The following ZNF654 variants were observed in gnomAD, a reference collection of about 807,000 sequenced individuals.
ZNF654 encodes the protein melanoma-associated antigen.
A neutral mutation model predicts 95.3 loss-of-function variants in ZNF654; 19 were observed. That is an observed-to-expected ratio of 0.20 (90% confidence interval 0.14 to 0.29). The LOEUF is 0.29. Among genes scored for constraint, ZNF654 ranks in the 10% least tolerant of loss-of-function variants. ZNF654 has a pLI of 1.00. For synonymous variants in ZNF654, 413 were observed against 457.9 expected (o/e 0.90, Z 1.25); for missense variants, 1,046 against 1,341.0 (o/e 0.78, Z 3.44).
rs1292743216 is a variant in ZNF654, at chr3:88,068,550, T to C, written c.186+9045T>C. The stretch of plus-strand genomic sequence containing the variant: ...CCAGTATGTTTTGGTTACTCTAAAG[T>C]TGAAATATTATAAATACTCTTCCCA... On this transcript the variant is annotated intron_variant, in intron 1 of 8. Transcript: ENST00000636215. 2.6e-5 allele frequency among the ~76,000 whole-genome samples: 4 copies of C among 152,342 alleles called. No individual in the cohort carries two copies. The South Asian group carries it at 6.2e-4, about 24-fold the overall frequency.
chr3:88,127,260 C>T (rs1181130098), intron 4 of ZNF654, among the ~76,000 whole-genome samples: 1 of 152,096 alleles, frequency 6.6e-6, no homozygotes, highest in Admixed American at 6.6e-5. Context: ...CAGGTTATTT[C>T]TGTTAGTCAC....
At chr3:88,114,195 T>C (rs1351985848) in intron 3 of ZNF654, among the ~76,000 whole-genome samples, 1 of 151,982 alleles carries the variant, frequency 6.6e-6, no homozygotes, top group Non-Finnish European at 1.5e-5. Context: ...AAATGAAAAA[T>C]TGACAGATTC....
chr3:88,121,607 T>C (rs1263427865), intron 3 of ZNF654, among the ~76,000 whole-genome samples: 2 of 152,198 alleles, frequency 1.3e-5, no homozygotes, highest in Non-Finnish European at 2.9e-5. Context: ...ATTGCCTTTT[T>C]GTAAAGGAAA....
chr3:88,116,137 ATTC>A (rs1448335327), intron 3 of ZNF654, among the ~76,000 whole-genome samples: 1 of 152,082 alleles, frequency 6.6e-6, no homozygotes, highest in East Asian at 1.9e-4. Flanking sequence ...GGTCAATCTC[ATTC>A]TTGTTGCTGC....
chr3:88,130,617 A>ATT (rs10674029), intron 6 of ZNF654, among the ~76,000 whole-genome samples: 2,162 of 129,170 alleles, frequency 0.017, 70 homozygotes, highest in African/African-American at 0.054. Context: ...TGCCCAGCTA[A>ATT]TTTTTTTTTT....
intron 2 of ZNF654, among the ~76,000 whole-genome samples, chr3:88,100,241 A>G (rs1229994612): frequency 2.0e-5 from 3 of 152,246 alleles, no homozygotes; most frequent in Non-Finnish European, 4.4e-5. Context: ...ATCACTGGCT[A>G]TCAGAGAAAT....
chr3:88,141,680 T>C lies in ZNF654; in HGVS notation c.*28T>C. On this transcript the variant is annotated 3_prime_UTR_variant, in exon 9 of 9. Transcript: ENST00000636215. ...AAAACGGTTCAGAAAGATCTGTCAA[T>C]CAAGCAGTAGTGTGAAAAAAGCACT... The C allele has an allele frequency of 6.7e-7, 1 of 1,494,296 alleles. No individual in the cohort carries two copies. The highest frequency in any genetic ancestry group is 1.4e-5 in the African/African-American group (1 of 72,886). The allele number at this position is 1,494,296 out of a possible 1,614,324, so 92.6% of individuals were successfully genotyped here. A position where few individuals can be genotyped will look rare whatever the true frequency, so the allele number is the denominator to read the frequency against.
chr3:88,080,425 A>G (rs551131010), intron 1 of ZNF654, among the ~76,000 whole-genome samples: 1 of 152,272 alleles, frequency 6.6e-6, no homozygotes, highest in East Asian at 1.9e-4. Context: ...TGTTTGTTAC[A>G]TGCCAGGAAT....
intron 2 of ZNF654, among the ~76,000 whole-genome samples, chr3:88,098,122 G>C (rs916434648): frequency 8.6e-5 from 13 of 151,974 alleles, no homozygotes; most frequent in Non-Finnish European, 1.3e-4. Flanking sequence ...GAATCAAATA[G>C]ATGCAATAAA....
At chr3:88,125,292 A>G (rs955194281) in intron 3 of ZNF654, among the ~76,000 whole-genome samples, 3 of 152,110 alleles carry the variant, frequency 2.0e-5, no homozygotes, top group Admixed American at 6.5e-5. Flanking sequence ...TAATCAAACT[A>G]TACAGATCTT....
At chr3:88,064,233 T>C (rs1034994553) in intron 1 of ZNF654, among the ~76,000 whole-genome samples, 8 of 152,160 alleles carry the variant, frequency 5.3e-5, no homozygotes, top group African/African-American at 1.9e-4. Context: ...TATTTACCTC[T>C]ATATTTATAA....
At chr3:88,129,040 A>C in intron 5 of ZNF654, 29 bp downstream of exon 5, 1 of 1,453,590 alleles carries the variant, frequency 6.9e-7, no homozygotes. Flanking sequence ...TTTGCCTATT[A>C]CCATTTTAAC....
At chr3:88,071,428 AAGTT>A (rs1477686618) in intron 1 of ZNF654, among the ~76,000 whole-genome samples, 1 of 152,118 alleles carries the variant, frequency 6.6e-6, no homozygotes, top group East Asian at 1.9e-4. Flanking sequence ...GCGGATCACA[AAGTT>A]AGGAGATCGA....
chr3:88,135,316 A>C (rs2107866581), intron 7 of ZNF654, 114 bp downstream of exon 7: 2 of 846,884 alleles, frequency 2.4e-6, no homozygotes, highest in African/African-American at 3.5e-5. Context: ...GGAGGATTTT[A>C]AGGCCACATT....
At chr3:88,141,128 T>C in intron 8 of ZNF654, 80 bp downstream of exon 8, 1 of 1,478,458 alleles carries the variant, frequency 6.8e-7, no homozygotes, top group South Asian at 1.4e-5. Flanking sequence ...ATCTTTGAGA[T>C]TTAAAAAATT....
intron 1 of ZNF654, among the ~76,000 whole-genome samples, chr3:88,067,047 AAGC>A (rs1193184637): frequency 6.6e-6 from 1 of 152,214 alleles, no homozygotes; most frequent in Non-Finnish European, 1.5e-5. Flanking sequence ...CAACTTTTCA[AAGC>A]AGTGGTGAAT....
At chr3:88,092,638 A>G (rs1483287208) in intron 2 of ZNF654, among the ~76,000 whole-genome samples, 1 of 152,228 alleles carries the variant, frequency 6.6e-6, no homozygotes, top group Non-Finnish European at 1.5e-5. Context: ...TTTGATTTAC[A>G]TCATGACTTT....
At chr3:88,059,646 T>A in intron 1 of ZNF654, 141 bp downstream of exon 1, 12 of 797,144 alleles carry the variant, frequency 1.5e-5, no homozygotes, top group Non-Finnish European at 2.0e-5. Context: ...AGCTCCCTCC[T>A]CCACTTATCC....
chr3:88,123,440 T>C (rs1576325577), intron 3 of ZNF654, among the ~76,000 whole-genome samples: 1 of 152,160 alleles, frequency 6.6e-6, no homozygotes, highest in African/African-American at 2.4e-5. Flanking sequence ...TAATTCATAA[T>C]GTAATCATTT....
Sources: allele counts gnomAD v4.1 joint callset (sites outside exome capture counted in the v4.1 genomes callset), GRCh38; gene constraint gnomAD v4.1.1; transcripts MANE v1.5; gene names NCBI Gene and HGNC (gene_info 2026-07-23, HGNC 2026-07-21).